The following PRSS55 variants were observed in gnomAD, a reference collection of about 807,000 sequenced individuals.
The protein encoded by PRSS55 is serine protease 55, also known as probable serine protease UNQ9391/PRO34284.
A neutral mutation model predicts 23.6 loss-of-function variants in PRSS55; 41 were observed. The ratio of observed to expected loss-of-function variants is 1.74; its 90% confidence interval spans 1.35 to 2.26. The LOEUF is 2.26. Ranked by LOEUF, PRSS55 falls within the 30% of genes most tolerant of loss-of-function variation. The pLI, the probability that PRSS55 is intolerant of heterozygous loss-of-function variation, is 0.00. For synonymous variants in PRSS55, 262 were observed against 175.5 expected, an observed-to-expected ratio of 1.49 and a Z score of -3.90; for missense variants, 669 against 439.1, an observed-to-expected ratio of 1.52 and a Z score of -4.68.
chr8:10,537,140 G>A (rs1333200329), intron 4 of PRSS55, among the ~76,000 whole-genome samples: 1 of 152,196 alleles, frequency 6.6e-6, no homozygotes, highest in African/African-American at 2.4e-5. Context: ...ACGTCCAAAA[G>A]AAAGGAAATC....
At chr8:10,549,738 C>T (rs998793307) in intron 4 of PRSS55, among the ~76,000 whole-genome samples, 8 of 152,162 alleles carry the variant, frequency 5.3e-5, no homozygotes, top group South Asian at 2.1e-4. Flanking sequence ...TGGAGAAAGA[C>T]GGAGTGCTTG....
chr8:10,546,861 T>C (rs914242218), intron 4 of PRSS55, among the ~76,000 whole-genome samples: 1 of 152,084 alleles, frequency 6.6e-6, no homozygotes, highest in Non-Finnish European at 1.5e-5. Context: ...AATTATTTTT[T>C]GTAGATACAA....
At chr8:10,546,614 C>A (rs1812824631) in intron 4 of PRSS55, among the ~76,000 whole-genome samples, 1 of 152,182 alleles carries the variant, frequency 6.6e-6, no homozygotes, top group African/African-American at 2.4e-5. Context: ...CTCCAGGAAG[C>A]CCTCCTGGTC....
At chr8:10,551,520 C>T (rs1812950443) in intron 4 of PRSS55, among the ~76,000 whole-genome samples, 1 of 152,168 alleles carries the variant, frequency 6.6e-6, no homozygotes, top group Non-Finnish European at 1.5e-5. Flanking sequence ...GAACTGAGGA[C>T]ACAAATCCCA....
At chr8:10,550,620 G>A (rs1218176554) in intron 4 of PRSS55, among the ~76,000 whole-genome samples, 1 of 152,182 alleles carries the variant, frequency 6.6e-6, no homozygotes, top group Non-Finnish European at 1.5e-5. Context: ...GAGACCGATT[G>A]CCTGAAGTTT....
intron 1 of PRSS55, among the ~76,000 whole-genome samples, chr8:10,529,078 C>T (rs1034079754): frequency 6.6e-6 from 1 of 152,212 alleles, no homozygotes; most frequent in African/African-American, 2.4e-5. Context: ...CCAAAGCCCC[C>T]CTTTCCTTGC....
At chr8:10,530,579 G>A (rs904257503) in intron 2 of PRSS55, among the ~76,000 whole-genome samples, 38 of 152,090 alleles carry the variant, frequency 2.5e-4, no homozygotes, top group African/African-American at 9.2e-4. Flanking sequence ...GGAAACTGAT[G>A]TCCAATACAC....
intron 4 of PRSS55, among the ~76,000 whole-genome samples, chr8:10,551,889 A>G (rs1812960026): frequency 6.6e-6 from 1 of 152,230 alleles, no homozygotes; most frequent in East Asian, 1.9e-4. Flanking sequence ...TTCTTCCAAA[A>G]GCAGAACCTT....
downstream of PRSS55, among the ~76,000 whole-genome samples, chr8:10,543,441 TTCCA>T (rs1476492531): frequency 2.2e-4 from 5 of 22,582 alleles, no homozygotes; most frequent in Admixed American, 1.2e-3. Context: ...CCTTCCTTCC[TTCCA>T]TCCTTCCTTC....
intron 1 of PRSS55, among the ~76,000 whole-genome samples, chr8:10,526,872 C>A (rs187303802): frequency 3.0e-4 from 46 of 152,250 alleles, no homozygotes; most frequent in African/African-American, 9.9e-4. Context: ...GGGGTGGGTA[C>A]CCAACGATAA....
In PRSS55 at chr8:10,550,866, G is replaced by C. The variant is rs1254239938; in HGVS notation, c.742-3077G>C. Among the ~76,000 whole-genome samples the C allele has an allele frequency of 3.9e-5, 6 of 152,242 alleles. No individual in the cohort carries two copies. The East Asian group carries it at 1.2e-3, about 29-fold the overall frequency. ...CGTGAGCACAAACACATCTGTAGGA[G>C]TGCATGGAAAGCTGGAGGGAGGATT... is the stretch of plus-strand genomic sequence containing the variant. On this transcript the variant is annotated intron_variant, in intron 4 of 4. Coordinates refer to the PRSS55 transcript ENST00000522210.
intron 4 of PRSS55, among the ~76,000 whole-genome samples, chr8:10,536,615 A>G (rs1812462549): frequency 6.6e-6 from 1 of 152,204 alleles, no homozygotes; most frequent in Non-Finnish European, 1.5e-5. Flanking sequence ...GGATCAAACT[A>G]CATGTCCTTC....
At chr8:10,543,928 C>A (rs1347033563) in intron 4 of PRSS55, among the ~76,000 whole-genome samples, 2 of 152,094 alleles carry the variant, frequency 1.3e-5, no homozygotes, top group African/African-American at 2.4e-5. Context: ...TTGAGAATTG[C>A]TTTATGGCTT....
intron 4 of PRSS55, among the ~76,000 whole-genome samples, chr8:10,535,051 C>A (rs971226397): frequency 1.3e-5 from 2 of 152,218 alleles, no homozygotes; most frequent in Middle Eastern, 3.4e-3. Context: ...CAAAACATTA[C>A]TGAAAGAAAT....
At chr8:10,538,851 G>A (rs1812553529), downstream of PRSS55, 2 of 1,468,570 alleles carry the variant, frequency 1.4e-6, no homozygotes, top group Non-Finnish European at 1.8e-6. Context: ...TGCGTCTCCA[G>A]CAGAGGCTCT....
chr8:10,551,670 C>A (rs1415873749), intron 4 of PRSS55, among the ~76,000 whole-genome samples: 1 of 152,246 alleles, frequency 6.6e-6, no homozygotes. Flanking sequence ...CTGAAGGGAA[C>A]AGCTGAGAAC....
At chr8:10,535,729 A>G (rs941517775) in intron 4 of PRSS55, among the ~76,000 whole-genome samples, 2 of 152,250 alleles carry the variant, frequency 1.3e-5, no homozygotes, top group African/African-American at 4.8e-5. Flanking sequence ...CAATTAAACT[A>G]AAGAGCATCT....
intron 4 of PRSS55, 99 bp downstream of exon 4, chr8:10,533,147 G>A (rs953487050): frequency 6.0e-6 from 8 of 1,322,884 alleles, no homozygotes; most frequent in South Asian, 4.1e-5. Context: ...ACAATTCTGA[G>A]TCTGGAAAAT....
rs897620011 is a variant in PRSS55, at chr8:10,554,026, A to T, written c.825A>T (p.Gln275His). The stretch of plus-strand genomic sequence containing the variant: ...CTGGGTCTCACACCTTTCATCTGCA[A>T]AACTGATGCTTTGCTCTTTCTTCTA... Residue 275 changes from glutamine to histidine, a missense_variant, in exon 5 of 5, where the codon CAA (glutamine) becomes CAT (histidine). Gln to His is a conservative substitution (Grantham distance 24). Transcript: ENST00000522210. The T allele has an allele frequency of 2.6e-5, 39 of 1,525,832 alleles. No homozygotes were observed. The Admixed American group carries it at 7.6e-4, about 30-fold the overall frequency. The allele number at this position is 1,525,832 out of a possible 1,614,324, so 94.5% of individuals were successfully genotyped here.
Sources: gnomAD v4.1 joint callset for allele counts (sites outside exome capture counted in the v4.1 genomes callset) on GRCh38, gnomAD v4.1.1 for gene constraint, MANE v1.5 for transcripts, NCBI Gene and HGNC (gene_info 2026-07-23, HGNC 2026-07-21) for gene names.